TRAK1: variants seen among roughly 807,000 people sequenced by gnomAD.
The protein encoded by TRAK1 is trafficking kinesin protein 1.
Under a neutral mutation model 92.1 loss-of-function variants are expected in TRAK1, and 33 were observed. That is an observed-to-expected ratio of 0.36 (90% CI 0.27 to 0.48). The LOEUF (loss-of-function observed/expected upper bound fraction) is 0.48, where lower values mean the gene tolerates loss of function less well. Among genes scored for constraint, TRAK1 ranks in the 20% least tolerant of loss-of-function variants. The pLI, the probability that TRAK1 is intolerant of heterozygous loss-of-function variation, is 0.99. For synonymous variants in TRAK1, 521 were observed against 517.3 expected, an observed-to-expected ratio of 1.01 and a Z score of -0.10; for missense variants, 1,123 against 1,257.9, an observed-to-expected ratio of 0.89 and a Z score of 1.62.
intron 2 of TRAK1, 144 bp downstream of exon 2, chr3:42,125,758 G>GCT: frequency 1.2e-6 from 1 of 863,504 alleles, no homozygotes. Context: ...CGGCTGTAGG[G>GCT]GTTAACCGCA....
intron 1 of TRAK1, among the ~76,000 whole-genome samples, chr3:42,110,822 G>C (rs1330244263): frequency 6.6e-6 from 1 of 152,202 alleles, no homozygotes; most frequent in Admixed American, 6.5e-5. Context: ...TGTTTGTGAG[G>C]GTCGATTTTC....
intron 2 of TRAK1, chr3:42,160,381 G>A: frequency 6.2e-7 from 1 of 1,614,236 alleles, no homozygotes; most frequent in East Asian, 2.2e-5. Context: ...CGAGACAAGG[G>A]CGGGGAAGAA....
chr3:42,088,009 C>G (rs1353228679), upstream of TRAK1, among the ~76,000 whole-genome samples: 1 of 152,192 alleles, frequency 6.6e-6, no homozygotes, highest in East Asian at 1.9e-4. Context: ...GTGCTTGAAG[C>G]TAGCACAAGA....
intron 1 of TRAK1, among the ~76,000 whole-genome samples, chr3:42,120,693 G>A (rs923598639): frequency 6.6e-6 from 1 of 152,082 alleles, no homozygotes; most frequent in Non-Finnish European, 1.5e-5. Context: ...GTTTACAGGC[G>A]CATGCCACCA....
At chr3:42,160,645 C>G (rs1177164246) in intron 2 of TRAK1, among the ~76,000 whole-genome samples, 2 of 151,898 alleles carry the variant, frequency 1.3e-5, no homozygotes, top group South Asian at 2.1e-4. Flanking sequence ...AGCCCCCACC[C>G]CCTCACCCAG....
chr3:42,130,024 A>G (rs1400682909), intron 2 of TRAK1, among the ~76,000 whole-genome samples: 1 of 152,058 alleles, frequency 6.6e-6, no homozygotes, highest in Non-Finnish European at 1.5e-5. Context: ...ATTTTTTTTC[A>G]TGGCTCAGGG....
intron 1 of TRAK1, among the ~76,000 whole-genome samples, chr3:42,039,245 G>A (rs188835172): frequency 1.7e-3 from 258 of 152,266 alleles, no homozygotes; most frequent in Middle Eastern, 6.8e-3. Context: ...TGCCCATGTT[G>A]TAGCATGTAG....
chr3:42,054,094 G>A lies in TRAK1; in HGVS notation c.-518-33010G>A, dbSNP rs371891097. 5.3e-5 allele frequency among the ~76,000 whole-genome samples: 8 copies of A among 152,126 alleles called. No homozygotes were observed. The East Asian group carries it at 5.8e-4, about 11-fold the overall frequency. ...GAGGATTCAGGGTAGACAGCGACCT[G>A]TCCTTATAAAGCAAGCTAACATTTG... On this transcript the variant is annotated intron_variant, in intron 1 of 16. Transcript: ENST00000487159.
intron 14 of TRAK1, among the ~76,000 whole-genome samples, chr3:42,215,948 G>C (rs921556285): frequency 6.6e-6 from 1 of 152,168 alleles, no homozygotes; most frequent in Non-Finnish European, 1.5e-5. Flanking sequence ...TTAAGGACTA[G>C]GTTCTATGAT....
At chr3:42,088,753 TG>T (rs1297900821), upstream of TRAK1, among the ~76,000 whole-genome samples, 1 of 152,220 alleles carries the variant, frequency 6.6e-6, no homozygotes, top group African/African-American at 2.4e-5. Flanking sequence ...TCCTGTGTCC[TG>T]GAAGTACAGT....
chr3:42,125,550 C>T lies in TRAK1; in HGVS notation c.222C>T (p.Leu74=). The T allele has an allele frequency of 1.2e-6, 2 of 1,614,254 alleles. No homozygotes were observed. Among genetic ancestry groups the T allele is most frequent in the Non-Finnish European group, 1.7e-6 (2 of 1,180,046 alleles). Residue 74 remains leucine (L), a synonymous_variant, in exon 2 of 16, where the codon CTC becomes CTT. Transcript: ENST00000327628. ...YDHDDWLHTP[L]ISPDANIDLT... ...ACGACGACTGGCTCCATACACCTCT[C>T]ATTTCTCCAGATGCCAACATTGACC... is the stretch of plus-strand genomic sequence containing the variant.
rs932052383 is a variant in TRAK1, at chr3:42,115,107, A to C, written c.92-10313A>C. ...GCAAAACAAATTCAAATCGACAGTAATAGTCTATTTTTTGAGTATTCTCCT... is the reference window on the plus strand; with the variant it reads ...GCAAAACAAATTCAAATCGACAGTACTAGTCTATTTTTTGAGTATTCTCCT... On this transcript the variant is annotated intron_variant, in intron 1 of 15. Coordinates refer to ENST00000327628, the MANE Select transcript of TRAK1 (RefSeq NM_001042646.3). Among the ~76,000 whole-genome samples the C allele has an allele frequency of 2.0e-5, 3 of 152,242 alleles. No homozygotes were observed. The South Asian group carries it at 6.2e-4, about 31-fold the overall frequency.
At chr3:42,187,926 C>T (rs948875094) in intron 4 of TRAK1, 119 bp from the exon 5 acceptor site, 1 of 837,408 alleles carries the variant, frequency 1.2e-6, no homozygotes, top group Admixed American at 1.9e-5. Context: ...AATGCTTTCA[C>T]TTTCAATGGT....
chr3:42,034,781 G>T (rs1466112397), intron 1 of TRAK1, among the ~76,000 whole-genome samples: 1 of 151,896 alleles, frequency 6.6e-6, no homozygotes, highest in East Asian at 1.9e-4. Context: ...CTGTTCTTCT[G>T]GTCTGCCTCC....
At chr3:42,048,569 T>TC (rs1378933430) in intron 1 of TRAK1, among the ~76,000 whole-genome samples, 1 of 149,858 alleles carries the variant, frequency 6.7e-6, no homozygotes, top group African/African-American at 2.4e-5. Context: ...TTCTTTTCTT[T>TC]TTTTTTTTTT....
chr3:42,187,880 A>C (rs977744053), intron 4 of TRAK1, among the ~76,000 whole-genome samples, 165 bp from the exon 5 acceptor site: 1 of 152,228 alleles, frequency 6.6e-6, no homozygotes, highest in Non-Finnish European at 1.5e-5. Context: ...AGATTAAATG[A>C]AAGCCTCTTT....
chr3:42,157,479 A>AAAAAAAAAAAAAAAAAAC, intron 2 of TRAK1, among the ~76,000 whole-genome samples: 1 of 145,214 alleles, frequency 6.9e-6, no homozygotes, highest in Non-Finnish European at 1.5e-5. Context: ...AAAAAAAAAA[A>AAAAAAAAAAAAAAAAAAC]AAAAAAAAAA....
At chr3:42,213,965 C>T (rs537822421) in intron 14 of TRAK1, among the ~76,000 whole-genome samples, 15 of 152,206 alleles carry the variant, frequency 9.9e-5, no homozygotes, top group African/African-American at 2.9e-4. Context: ...TGTGCTCTGC[C>T]GTCAGAATAT....
At chr3:42,036,550 G>C (rs1702333120) in intron 1 of TRAK1, among the ~76,000 whole-genome samples, 2 of 152,122 alleles carry the variant, frequency 1.3e-5, no homozygotes, top group Non-Finnish European at 2.9e-5. Context: ...CCACACATTT[G>C]TGAACCTCTT....
Sources: allele counts gnomAD v4.1 joint callset (sites outside exome capture counted in the v4.1 genomes callset), GRCh38; gene constraint gnomAD v4.1.1; transcripts MANE v1.5; gene names NCBI Gene and HGNC (gene_info 2026-07-23, HGNC 2026-07-21).